The following NAALAD2 variants were observed in gnomAD, a reference collection of about 807,000 sequenced individuals.
The protein encoded by NAALAD2 is N-acetylated alpha-linked acidic dipeptidase 2, also known as N-acetylated-alpha-linked acidic dipeptidase 2.
Under a neutral mutation model 95.6 loss-of-function variants are expected in NAALAD2, and 89 were observed. The ratio of observed to expected loss-of-function variants is 0.93; its 90% CI spans 0.78 to 1.11. The LOEUF (loss-of-function observed/expected upper bound fraction) is 1.11. Ranked by LOEUF, NAALAD2 falls within the 50% of genes least tolerant of loss-of-function variation. NAALAD2 has a pLI of 0.00. For synonymous variants in NAALAD2, 264 were observed against 294.4 expected, an observed-to-expected ratio of 0.90 and a Z score of 1.06; for missense variants, 894 against 872.4, an observed-to-expected ratio of 1.02 and a Z score of -0.31.
intron 12 of NAALAD2, chr11:90,169,471 GC>G (rs1445959067): frequency 6.6e-6 from 1 of 150,880 alleles, no homozygotes; most frequent in Non-Finnish European, 1.5e-5. Context: ...GATCACCTGA[GC>G]CCAGGAGTGT....
At chr11:90,167,329 G>C (rs1952493984) in intron 11 of NAALAD2, among the ~76,000 whole-genome samples, 1 of 152,204 alleles carries the variant, frequency 6.6e-6, no homozygotes, top group Admixed American at 6.5e-5. Context: ...CTTAGCGCCT[G>C]GGCCAGCAGC....
intron 2 of NAALAD2, among the ~76,000 whole-genome samples, chr11:90,144,411 G>A (rs190077868): frequency 2.6e-5 from 4 of 152,126 alleles, no homozygotes; most frequent in Non-Finnish European, 2.9e-5. Flanking sequence ...TAAAACAGCC[G>A]GCATGTGAGC....
rs71477596 is a variant in NAALAD2, at chr11:90,146,343, A to ATTTTT, written c.195-958_195-954dup. On this transcript the variant is annotated intron_variant, in intron 2 of 18. Transcript: ENST00000534061. ...GTTCTACTGATGGTGGGGGAGTTTA[A>ATTTTT]TTTTTTTTTTTTTTTTTTTTTTTTT... 3.2e-3 allele frequency among the ~76,000 whole-genome samples: 155 copies of ATTTTT among 47,984 alleles called. 1 individual carries two copies. Among genetic ancestry groups the ATTTTT allele is most frequent in the East Asian group, 5.2e-3 (7 of 1,352 alleles). The allele number at this position is 47,984 out of a possible 152,430, so 31.5% of individuals were successfully genotyped here. A position where few individuals can be genotyped will look rare whatever the true frequency, so the allele number is the denominator to read the frequency against.
intron 5 of NAALAD2, among the ~76,000 whole-genome samples, chr11:90,151,621 A>T (rs1454332890): frequency 6.6e-6 from 1 of 152,202 alleles, no homozygotes; most frequent in African/African-American, 2.4e-5. Flanking sequence ...TTATACTCTT[A>T]GTGATATAAC....
intron 8 of NAALAD2, among the ~76,000 whole-genome samples, chr11:90,160,030 A>G (rs763657809): frequency 6.6e-6 from 1 of 151,902 alleles, no homozygotes; most frequent in Non-Finnish European, 1.5e-5. Context: ...GCCAAAATGT[A>G]TAGATCACTT....
chr11:90,165,575 G>A (rs1025371736), intron 11 of NAALAD2, among the ~76,000 whole-genome samples: 1 of 152,116 alleles, frequency 6.6e-6, no homozygotes, highest in Admixed American at 6.5e-5. Flanking sequence ...CAAATACAGA[G>A]GGGGTAAAAA....
intron 6 of NAALAD2, among the ~76,000 whole-genome samples, chr11:90,154,909 C>CATA (rs376883645): frequency 0.021 from 1,087 of 51,590 alleles, 40 homozygotes; most frequent in East Asian, 0.055. Flanking sequence ...TATACGTATA[C>CATA]ATATGTATAT....
At chr11:90,178,736 A>AT (rs1952879946) in intron 16 of NAALAD2, among the ~76,000 whole-genome samples, 1 of 152,200 alleles carries the variant, frequency 6.6e-6, no homozygotes, top group African/African-American at 2.4e-5. Context: ...TTTGCAAAAG[A>AT]TTGAGAAAGC....
chr11:90,190,711 C>T (rs1432923741), intron 18 of NAALAD2, among the ~76,000 whole-genome samples: 2 of 152,048 alleles, frequency 1.3e-5, no homozygotes, highest in East Asian at 1.9e-4. Context: ...GATTTAAAAG[C>T]CAAGATAATA....
At chr11:90,171,485 A>G (rs1952633549) in intron 13 of NAALAD2, among the ~76,000 whole-genome samples, 1 of 152,176 alleles carries the variant, frequency 6.6e-6, no homozygotes, top group Non-Finnish European at 1.5e-5. Context: ...TACTGAGAGA[A>G]CCCTTTTTGG....
At chr11:90,183,155 A>G in intron 18 of NAALAD2, 147 bp downstream of exon 18, 1 of 460,746 alleles carries the variant, frequency 2.2e-6, no homozygotes, top group Non-Finnish European at 4.0e-6. Flanking sequence ...AATAATAGGT[A>G]TAATACATAT....
At chr11:90,147,659 G>T (rs1473459651) in intron 3 of NAALAD2, 143 bp downstream of exon 3, 7 of 753,982 alleles carry the variant, frequency 9.3e-6, no homozygotes, top group Non-Finnish European at 1.4e-5. Flanking sequence ...GTTAAGTCCT[G>T]AGGCCAGAAT....
chr11:90,134,778 G>T lies in NAALAD2; in HGVS notation c.20G>T (p.Arg7Leu), dbSNP rs1487766511. 1 of 1,614,084 alleles carries T rather than the reference G, an allele frequency of 6.2e-7. No individual in the cohort carries two copies. The highest frequency in any genetic ancestry group is 8.5e-7 in the Non-Finnish European group (1 of 1,180,020). ...GAAGCCATGGCGGAATCCAGGGGCCGTCTGTACCTTTGGATGTGCTTGGCT... is the reference window on the plus strand; with the variant it reads ...GAAGCCATGGCGGAATCCAGGGGCCTTCTGTACCTTTGGATGTGCTTGGCT... The part of the protein sequence containing the change: MAESRG[R>L]LYLWMCLAAA... The change falls in exon 1 of 19, where the codon CGT becomes CTT. Residue 7 changes from arginine (R) to leucine (L), a missense_variant. Physicochemically the swap from Arg to Leu is moderately radical, Grantham distance 102. Coordinates refer to ENST00000534061, the MANE Select transcript of NAALAD2 (RefSeq NM_005467.4).
Position 90,135,600 on chromosome 11 carries a change from C to A in NAALAD2, c.124C>A (p.Arg42Ser). ...KPLKETTTSV[R>S]YHQSIRWKLV... The stretch of plus-strand genomic sequence containing the variant: ...TCTCAAAGAAACGACCACTTCTGTG[C>A]GCTATCATCAAAGTATACGGTGGAA... Residue 42 changes from arginine (R) to serine (S), a missense_variant, in exon 2 of 19, where the codon CGC becomes AGC. Physicochemically the swap from Arg to Ser is moderately radical, Grantham distance 110. Transcript: ENST00000534061. 6.2e-7 allele frequency: 1 copy of A among 1,612,870 alleles called. No individual in the cohort carries two copies. Among genetic ancestry groups the A allele is most frequent in the South Asian group, 1.1e-5 (1 of 90,922 alleles).
At chr11:90,161,956 C>T (rs1010154753) in intron 8 of NAALAD2, among the ~76,000 whole-genome samples, 2 of 150,474 alleles carry the variant, frequency 1.3e-5, no homozygotes, top group African/African-American at 4.9e-5. Flanking sequence ...TAGTTTTCCT[C>T]TGAGGTACTT....
chr11:90,185,058 G>GT (rs1357378391), intron 18 of NAALAD2, among the ~76,000 whole-genome samples: 2 of 151,948 alleles, frequency 1.3e-5, no homozygotes, highest in African/African-American at 2.4e-5. Flanking sequence ...ATATAAGGGA[G>GT]TTGAGCATCC....
Position 90,168,985 on chromosome 11 carries a change from T to A in NAALAD2, c.1335T>A (p.Ser445=). The A allele has an allele frequency of 1.9e-6, 3 of 1,596,440 alleles. No homozygotes were observed. Among genetic ancestry groups the A allele is most frequent in the Non-Finnish European group, 2.6e-6 (3 of 1,174,286 alleles). ...RSIAYINSDS[S]IEGNYTLRVD... is the part of the protein sequence containing the mutation. ...TTGCTTATATCAACTCGGATTCATC[T>A]ATAGAAGGTAAATTTTATTTCAATT... The change falls in exon 12 of 19, where the codon TCT becomes TCA. Residue 445 remains serine, a synonymous_variant. Coordinates refer to ENST00000534061, the MANE Select transcript of NAALAD2 (RefSeq NM_005467.4).
At chr11:90,152,009 A>G (rs998025299) in intron 5 of NAALAD2, among the ~76,000 whole-genome samples, 2 of 152,172 alleles carry the variant, frequency 1.3e-5, no homozygotes, top group African/African-American at 2.4e-5. Flanking sequence ...ATCCTATAAT[A>G]TAGAAAATAT....
intron 4 of NAALAD2, 107 bp downstream of exon 4, chr11:90,149,214 G>T: frequency 1.8e-6 from 1 of 553,066 alleles, no homozygotes; most frequent in South Asian, 3.5e-5. Flanking sequence ...ATTCATGCGG[G>T]TTCCTTGTTT....
Sources: allele counts gnomAD v4.1 joint callset (sites outside exome capture counted in the v4.1 genomes callset), GRCh38; gene constraint gnomAD v4.1.1; transcripts MANE v1.5; gene names NCBI Gene and HGNC (gene_info 2026-07-23, HGNC 2026-07-21).